Variants in ATXN1 observed in about 807,000 individuals in gnomAD.
ATXN1 encodes ataxin 1, also known as ataxin-1.
In ATXN1, 8 loss-of-function variants were observed where a neutral mutation model predicts 56.4. That is an observed-to-expected ratio of 0.14 (90% CI 0.08 to 0.26). ATXN1 has a LOEUF of 0.26. Among genes scored for constraint, ATXN1 ranks in the 10% least tolerant of loss-of-function variants. The pLI, the probability that ATXN1 is intolerant of heterozygous loss-of-function variation, is 1.00. For synonymous variants in ATXN1, 514 were observed against 494.6 expected (o/e 1.04, Z -0.52); for missense variants, 987 against 1,106.5 (o/e 0.89, Z 1.53).
At chr6:16,308,805 A>C (rs1194777878) in intron 7 of ATXN1, among the ~76,000 whole-genome samples, 2 of 152,218 alleles carry the variant, frequency 1.3e-5, no homozygotes, top group African/African-American at 4.8e-5. Flanking sequence ...ATCAGATCTT[A>C]AAAAAGGATG....
intron 5 of ATXN1, among the ~76,000 whole-genome samples, chr6:16,503,780 A>C (rs4712286): frequency 0.43 from 65,077 of 151,944 alleles, 15,054 homozygotes; most frequent in South Asian, 0.58. Context: ...AGGGAAAAAT[A>C]TTTATGTAAA....
At chr6:16,731,816 G>A (rs572363891) in intron 2 of ATXN1, among the ~76,000 whole-genome samples, 1 of 151,208 alleles carries the variant, frequency 6.6e-6, no homozygotes, top group Non-Finnish European at 1.5e-5. Flanking sequence ...CAAAGAATCT[G>A]TTTCAGTATT....
At chr6:16,659,975 A>G (rs1758283585) in intron 2 of ATXN1, among the ~76,000 whole-genome samples, 1 of 152,074 alleles carries the variant, frequency 6.6e-6, no homozygotes, top group African/African-American at 2.4e-5. Flanking sequence ...AAGTGACAAT[A>G]TTTTCCATTC....
intron 2 of ATXN1, among the ~76,000 whole-genome samples, chr6:16,734,739 C>A (rs1401767525): frequency 6.6e-6 from 1 of 152,188 alleles, no homozygotes; most frequent in Non-Finnish European, 1.5e-5. Context: ...AATAATCCAC[C>A]TGCCTTGGCC....
chr6:16,734,774 G>A (rs903693372), intron 2 of ATXN1, among the ~76,000 whole-genome samples: 3 of 152,128 alleles, frequency 2.0e-5, no homozygotes, highest in Admixed American at 1.3e-4. Context: ...GATTACAGAC[G>A]TGAGCCACCG....
chr6:16,630,081 T>C (rs1054571128), intron 3 of ATXN1, among the ~76,000 whole-genome samples: 10 of 152,156 alleles, frequency 6.6e-5, no homozygotes, highest in Non-Finnish European at 1.3e-4. Context: ...TCCTGTCATA[T>C]AAATCATGTC....
At chr6:16,322,140 A>G (rs977685065) in intron 7 of ATXN1, among the ~76,000 whole-genome samples, 3 of 152,118 alleles carry the variant, frequency 2.0e-5, no homozygotes, top group South Asian at 4.1e-4. Flanking sequence ...GGGAGGATCA[A>G]TTGAGTCCAG....
intron 6 of ATXN1, among the ~76,000 whole-genome samples, chr6:16,430,086 G>GA (rs1230853345): frequency 6.6e-6 from 1 of 151,916 alleles, no homozygotes; most frequent in African/African-American, 2.4e-5. Flanking sequence ...TAAATGTTAG[G>GA]AAAAAAATTC....
chr6:16,683,081 G>A (rs1204278997), intron 2 of ATXN1, among the ~76,000 whole-genome samples: 3 of 151,608 alleles, frequency 2.0e-5, no homozygotes, highest in African/African-American at 4.9e-5. Flanking sequence ...AAAACACCAC[G>A]AAAAGGCATC....
chr6:16,566,822 C>G (rs1762231587), intron 4 of ATXN1, among the ~76,000 whole-genome samples: 1 of 152,112 alleles, frequency 6.6e-6, no homozygotes, highest in South Asian at 2.1e-4. Context: ...CACCACTGCA[C>G]TCCAGCCTGG....
At chr6:16,316,554 G>A (rs1357484666) in intron 7 of ATXN1, among the ~76,000 whole-genome samples, 1 of 152,082 alleles carries the variant, frequency 6.6e-6, no homozygotes, top group Non-Finnish European at 1.5e-5. Context: ...AGACCAGCCT[G>A]ACCAACATGG....
At chr6:16,732,177 A>G (rs748518228) in intron 2 of ATXN1, among the ~76,000 whole-genome samples, 11 of 152,188 alleles carry the variant, frequency 7.2e-5, no homozygotes, top group Non-Finnish European at 1.6e-4. Flanking sequence ...TCCAAGCAAA[A>G]AGATGAGATA....
intron 3 of ATXN1, among the ~76,000 whole-genome samples, chr6:16,592,886 G>A (rs1322428105): frequency 6.6e-6 from 1 of 150,562 alleles, no homozygotes; most frequent in Non-Finnish European, 1.5e-5. Flanking sequence ...GGGGGGTTGG[G>A]GGGGGCAGCT....
At chr6:16,666,915 A>G (rs989441816) in intron 2 of ATXN1, 10 of 152,168 alleles carry the variant, frequency 6.6e-5, no homozygotes, top group African/African-American at 2.4e-4. Flanking sequence ...GAGATTCAGA[A>G]AGACCTTTTT....
In ATXN1 at chr6:16,461,545, C is replaced by A. The variant is rs186079913; in HGVS notation, c.-161+24427G>T. Among the ~76,000 whole-genome samples, 3 of 152,332 alleles carry A rather than the reference C, an allele frequency of 2.0e-5. No homozygotes were observed. In the East Asian group the frequency reaches 5.8e-4, roughly 29 times the overall value. On this transcript the variant is annotated intron_variant, in intron 6 of 7. Transcript: ENST00000436367. ...ATCCTGGAGAGGACTGGCAGTTAGA[C>A]TTCACCCATATGCCTAAGTCAAGGG...
intron 3 of ATXN1, among the ~76,000 whole-genome samples, chr6:16,595,904 G>A (rs181897106): frequency 7.9e-4 from 120 of 152,308 alleles, no homozygotes; most frequent in African/African-American, 2.7e-3. Context: ...GTGCCTTCTC[G>A]TTTTAAGCTA....
intron 6 of ATXN1, among the ~76,000 whole-genome samples, chr6:16,473,496 A>G (rs1197932823): frequency 6.6e-6 from 1 of 152,186 alleles, no homozygotes. Context: ...AGTGCCCCAG[A>G]GCCTTTAGAA....
chr6:16,326,617 G>A lies in ATXN1; in HGVS notation c.1694C>T (p.Ala565Val), dbSNP rs370246333. ...GTAGGGAGGCAGCGTAGGGGGAGCC[G>A]CCGCCGGGGAGGCCACGGACTGCAC... ...PVVQSVASPA[A>V]APPTLPPYFM... is the part of the protein sequence containing the mutation. Residue 565 changes from alanine to valine, a missense_variant, in exon 7 of 8, where the codon GCG (alanine) becomes GTG (valine). Around this residue, in one of 3 missense-constraint regions of ATXN1, gnomAD observed 723 missense variants for 791.7 expected, o/e 0.91. Transcript: ENST00000436367. The surrounding 1 kb of genome is among the most constrained non-coding windows in gnomAD (Gnocchi z 6.6). The A allele has an allele frequency of 3.0e-5, 49 of 1,614,022 alleles. No homozygotes were observed. Among genetic ancestry groups the A allele is most frequent in the East Asian group, 1.8e-4 (8 of 44,872 alleles).
chr6:16,320,302 GCA>G (rs1415733499), intron 7 of ATXN1, among the ~76,000 whole-genome samples: 1 of 152,052 alleles, frequency 6.6e-6, no homozygotes, highest in Non-Finnish European at 1.5e-5. Context: ...TGCTGTACGA[GCA>G]CACACACAGG....
Sources: gnomAD v4.1 joint callset for allele counts (sites outside exome capture counted in the v4.1 genomes callset) on GRCh38, gnomAD v4.1.1 for gene constraint, gnomAD v4.1.1 regional missense constraint, Gnocchi (gnomAD v3.1) non-coding constraint, MANE v1.5 for transcripts, NCBI Gene and HGNC (gene_info 2026-07-23, HGNC 2026-07-21) for gene names.